XRN2: variants seen among roughly 807,000 people sequenced by gnomAD.
XRN2 encodes DHM1-like protein.
In XRN2, 44 loss-of-function variants were observed where a neutral mutation model predicts 138.5. The ratio of observed to expected loss-of-function variants is 0.32; its 90% CI spans 0.25 to 0.41. The LOEUF (loss-of-function observed/expected upper bound fraction) is 0.41, where lower values mean the gene tolerates loss of function less well. Among genes scored for constraint, XRN2 ranks in the 10% least tolerant of loss-of-function variants. XRN2 has a pLI of 1.00. For missense variants in XRN2, 937 were observed against 1,169.3 expected, an observed-to-expected ratio of 0.80 and a Z score of 2.90; for synonymous variants, 354 against 369.4, an observed-to-expected ratio of 0.96 and a Z score of 0.48.
chr20:21,367,830 C>T (rs2038720365), intron 26 of XRN2, among the ~76,000 whole-genome samples: 1 of 152,096 alleles, frequency 6.6e-6, no homozygotes, highest in Admixed American at 6.6e-5. Flanking sequence ...CATAGTATTT[C>T]CTCTGAATAG....
Position 21,337,059 on chromosome 20 carries a change from C to T in XRN2, c.1234-1985C>T, listed in dbSNP as rs577651843. ...ATGAACTCAGAAAGAAGACGGAGGG[C>T]CCAGTCTGGTAGGACCCAACAGGTC... On this transcript the variant is annotated intron_variant, in intron 13 of 29. Coordinates refer to ENST00000377191, the MANE Select transcript of XRN2 (RefSeq NM_012255.5). 7.2e-5 allele frequency among the ~76,000 whole-genome samples: 11 copies of T among 152,312 alleles called. No individual in the cohort carries two copies. In the East Asian group the frequency reaches 2.1e-3, roughly 29 times the overall value.
At chr20:21,386,750 T>A (rs2038939982) in intron 28 of XRN2, 118 bp from the exon 29 acceptor site, 3 of 1,291,564 alleles carry the variant, frequency 2.3e-6, no homozygotes, top group Admixed American at 4.1e-5. Context: ...CTGTATCCCA[T>A]ATGATAAATC....
chr20:21,320,047 T>C (rs979648168), intron 1 of XRN2, among the ~76,000 whole-genome samples: 2 of 152,160 alleles, frequency 1.3e-5, no homozygotes, highest in African/African-American at 4.8e-5. Flanking sequence ...TTTTTGTAAC[T>C]TTATAGCTTG....
At chr20:21,349,816 T>C (rs540981172) in intron 20 of XRN2, among the ~76,000 whole-genome samples, 91 of 152,224 alleles carry the variant, frequency 6.0e-4, no homozygotes, top group Non-Finnish European at 1.2e-3. Flanking sequence ...ATGTTGATAT[T>C]TCTCCATCCA....
intron 24 of XRN2, among the ~76,000 whole-genome samples, chr20:21,360,471 T>G (rs1207120152): frequency 6.6e-6 from 1 of 151,472 alleles, no homozygotes; most frequent in African/African-American, 2.4e-5. Context: ...TTTTTTTTTT[T>G]CTCATAGCAC....
At chr20:21,320,082 A>G (rs2038016700) in intron 1 of XRN2, among the ~76,000 whole-genome samples, 1 of 152,088 alleles carries the variant, frequency 6.6e-6, no homozygotes, top group African/African-American at 2.4e-5. Flanking sequence ...GTAGTTTTTG[A>G]CAGTGTGGTC....
chr20:21,339,513 A>G (rs1377000940), intron 14 of XRN2, among the ~76,000 whole-genome samples: 4 of 152,200 alleles, frequency 2.6e-5, no homozygotes, highest in South Asian at 2.1e-4. Context: ...CTCAGAATCC[A>G]ATTCTGTCTT....
rs749387659 is a variant in XRN2, at chr20:21,333,846, AT to A, written c.1067+12del. ...CCATCGTTAGAGATTAGGTATGTGC[AT>A]TTGTGTAGCTTTTCAAACGACTGTT... On this transcript the variant is annotated intron_variant, in intron 11 of 29. Coordinates refer to ENST00000377191, the MANE Select transcript of XRN2 (RefSeq NM_012255.5). 3.1e-6 allele frequency: 5 copies of A among 1,614,092 alleles called. No homozygotes were observed. In the East Asian group the frequency reaches 1.1e-4, roughly 36 times the overall value.
At chr20:21,349,580 A>C in intron 20 of XRN2, 119 bp downstream of exon 20, 1 of 855,444 alleles carries the variant, frequency 1.2e-6, no homozygotes, top group Non-Finnish European at 1.8e-6. Context: ...TCATTTCTAC[A>C]AAAAATACAA....
chr20:21,325,112 C>T (rs552570769), intron 1 of XRN2, among the ~76,000 whole-genome samples: 4 of 152,298 alleles, frequency 2.6e-5, no homozygotes, highest in Admixed American at 2.6e-4. Context: ...TTTCACTTAA[C>T]CTAATGTTTT....
chr20:21,372,104 T>TA (rs1359725779), intron 27 of XRN2, among the ~76,000 whole-genome samples: 1 of 152,196 alleles, frequency 6.6e-6, no homozygotes, highest in African/African-American at 2.4e-5. Context: ...AATTGGGAGA[T>TA]ATGTTTTGTA....
At chr20:21,313,178 C>G (rs147551954) in intron 1 of XRN2, among the ~76,000 whole-genome samples, 1 of 152,182 alleles carries the variant, frequency 6.6e-6, no homozygotes, top group African/African-American at 2.4e-5. Context: ...AGTAATATTG[C>G]AGTTCTTCAA....
intron 8 of XRN2, 81 bp from the exon 9 acceptor site, chr20:21,332,202 G>A: frequency 4.7e-6 from 7 of 1,502,596 alleles, no homozygotes; most frequent in Non-Finnish European, 6.2e-6. Context: ...TTTTCTTTGT[G>A]TTGGCATCTC....
At chr20:21,365,731 A>G (rs1373595804) in intron 26 of XRN2, 27 bp downstream of exon 26, 1 of 1,569,388 alleles carries the variant, frequency 6.4e-7, no homozygotes, top group Non-Finnish European at 8.6e-7. Context: ...TAGCCCTTGT[A>G]TATTTTGCTT....
chr20:21,374,120 T>C (rs2038791977), intron 27 of XRN2, among the ~76,000 whole-genome samples: 1 of 152,226 alleles, frequency 6.6e-6, no homozygotes, highest in Admixed American at 6.5e-5. Context: ...ATCTTAAATA[T>C]CACTTTCTAA....
chr20:21,368,370 G>A lies in XRN2; in HGVS notation c.2457-93G>A, dbSNP rs557378160. ...CTTAATCAGATCTGTTAGTGAAGAC[G>A]TGGCTATGAGCATTTGTTTTATTTG... On this transcript the variant is annotated intron_variant, in intron 26 of 29. Transcript: ENST00000377191. 4.8e-5 allele frequency: 71 copies of A among 1,473,234 alleles called. 2 individuals carry two copies. The South Asian group carries it at 5.8e-4, about 12-fold the overall frequency. 91.3% of individuals were successfully genotyped at this position (1,473,234 alleles called of 1,614,324 possible). A position where few individuals can be genotyped will look rare whatever the true frequency, so the allele number is the denominator to read the frequency against.
intron 1 of XRN2, among the ~76,000 whole-genome samples, chr20:21,310,169 A>G (rs1479352929): frequency 6.6e-6 from 1 of 152,210 alleles, no homozygotes; most frequent in East Asian, 1.9e-4. Context: ...CCACTTAAAA[A>G]TATGTTCTAA....
chr20:21,348,646 T>G (rs1345139172), intron 19 of XRN2, among the ~76,000 whole-genome samples: 1 of 152,156 alleles, frequency 6.6e-6, no homozygotes, highest in African/African-American at 2.4e-5. Flanking sequence ...TTTTTGATTT[T>G]TTTGTTTGTT....
At chr20:21,353,750 G>A (rs905155708) in intron 20 of XRN2, among the ~76,000 whole-genome samples, 1 of 149,002 alleles carries the variant, frequency 6.7e-6, no homozygotes, top group African/African-American at 2.5e-5. Context: ...AGCAATGATC[G>A]TGCCACTGCA....
Sources: gnomAD v4.1 joint callset for allele counts (sites outside exome capture counted in the v4.1 genomes callset) on GRCh38, gnomAD v4.1.1 for gene constraint, MANE v1.5 for transcripts, NCBI Gene and HGNC (gene_info 2026-07-23, HGNC 2026-07-21) for gene names.